Variants in C12orf42 observed in about 807,000 individuals in gnomAD.
C12orf42 encodes the protein uncharacterized protein C12orf42.
In C12orf42, 25 loss-of-function variants were observed where a neutral mutation model predicts 21.6. That is an observed-to-expected ratio of 1.16 (90% confidence interval 0.84 to 1.62). The LOEUF (loss-of-function observed/expected upper bound fraction) is 1.62, where lower values mean the gene tolerates loss of function less well. C12orf42 is among the 40% of genes most tolerant of loss of function. The probability of loss-of-function intolerance (pLI) is 0.00; values close to 1 mark genes in which losing one functional copy is unlikely to be tolerated. For missense variants in C12orf42, 483 were observed against 459.3 expected (o/e 1.05, Z -0.47); for synonymous variants, 174 against 175.0 (o/e 0.99, Z 0.05).
At chr12:103,401,554 C>T in intron 3 of C12orf42, 53 bp downstream of exon 3, 4 of 1,487,666 alleles carry the variant, frequency 2.7e-6, no homozygotes, top group Non-Finnish European at 3.7e-6. Flanking sequence ...GCAACTGAAC[C>T]CTAAAGGACG....
At chr12:103,474,809 GTTCATGGGTTCTGCC>G (rs1953918840) in intron 2 of C12orf42, among the ~76,000 whole-genome samples, 1 of 152,160 alleles carries the variant, frequency 6.6e-6, no homozygotes, top group African/African-American at 2.4e-5. Context: ...AGTGCTACAT[GTTCATGGGTTCTGCC>G]TTCATGAACT....
At chr12:103,167,929 T>A in the C12orf42 span, 1 of 403,458 alleles carries the variant, frequency 2.5e-6, no homozygotes, top group East Asian at 7.3e-5. Context: ...TCTGTGTGTG[T>A]GTGTGTATAC....
chr12:103,447,411 T>C (rs946460434), intron 2 of C12orf42, among the ~76,000 whole-genome samples: 1 of 151,962 alleles, frequency 6.6e-6, no homozygotes, highest in Non-Finnish European at 1.5e-5. Flanking sequence ...TCACCACTTC[T>C]ATTCAACATA....
At chr12:103,493,928 TAA>T (rs1456870663) in intron 1 of C12orf42, among the ~76,000 whole-genome samples, 1 of 152,222 alleles carries the variant, frequency 6.6e-6, no homozygotes, top group Admixed American at 6.5e-5. Flanking sequence ...ATCTTCAAGA[TAA>T]GTCATCTTTC....
chr12:103,501,690 A>C, the C12orf42 span, among the ~76,000 whole-genome samples: 2 of 152,158 alleles, frequency 1.3e-5, no homozygotes, highest in Non-Finnish European at 2.9e-5. Context: ...TGACATATAT[A>C]ATTTAATATG....
chr12:103,411,290 TA>T (rs1163720840), intron 2 of C12orf42, among the ~76,000 whole-genome samples: 2 of 152,176 alleles, frequency 1.3e-5, no homozygotes, highest in Non-Finnish European at 2.9e-5. Context: ...GCAAAAGTTT[TA>T]AAAAATCATA....
At chr12:103,499,413 AAAATGTTTTT>A (rs1267181058), upstream of C12orf42, among the ~76,000 whole-genome samples, 2 of 152,234 alleles carry the variant, frequency 1.3e-5, no homozygotes, top group Non-Finnish European at 2.9e-5. Context: ...AAATCTGGGG[AAAATGTTTTT>A]TAAGGAAAGT....
At chr12:103,267,803 A>C (rs2035245458), downstream of C12orf42, 1 of 152,144 alleles carries the variant, frequency 6.6e-6, no homozygotes, top group Non-Finnish European at 1.5e-5. Flanking sequence ...ACAGGAAGAG[A>C]GGAAGTAGAA....
chr12:103,125,929 G>A, the C12orf42 span, among the ~76,000 whole-genome samples: 7 of 152,182 alleles, frequency 4.6e-5, no homozygotes, highest in African/African-American at 1.7e-4. Flanking sequence ...CTCATCTTGG[G>A]GAAATAAGCA....
chr12:103,401,583 G>A (rs749318712), intron 3 of C12orf42, 24 bp downstream of exon 3: 37 of 1,607,844 alleles, frequency 2.3e-5, no homozygotes, highest in Non-Finnish European at 3.1e-5. Flanking sequence ...GAGCAGCCCT[G>A]CACATAACAT....
At position 103,302,486 on chromosome 12, in the gene C12orf42, G is replaced by A. The variant is rs2037797880; in HGVS notation, c.705C>T (p.Thr235=). The A allele has an allele frequency of 4.3e-6, 7 of 1,613,460 alleles. No individual in the cohort carries two copies. The highest frequency in any genetic ancestry group is 5.9e-6 in the Non-Finnish European group (7 of 1,179,802). The part of the protein sequence containing the change: ...RSQTPGALQS[T]GPSNTELEPE... ...GCTCGAGCTCTGTGTTACTCGGGCC[G>A]GTGCTCTGCAGAGCGCCGGGCGTCT... is the stretch of plus-strand genomic sequence containing the variant. The change falls in exon 6 of 6, where the codon ACC becomes ACT. Residue 235 remains threonine, a synonymous_variant. Coordinates refer to ENST00000548883, the MANE Select transcript of C12orf42 (RefSeq NM_198521.5).
intron 2 of C12orf42, among the ~76,000 whole-genome samples, chr12:103,410,839 C>T (rs1305739339): frequency 6.6e-6 from 1 of 152,086 alleles, no homozygotes; most frequent in African/African-American, 2.4e-5. Context: ...TCTTGAAAGC[C>T]AGCCATAAGG....
At chr12:103,099,272 T>C in the C12orf42 span, among the ~76,000 whole-genome samples, 1 of 152,204 alleles carries the variant, frequency 6.6e-6, no homozygotes, top group Non-Finnish European at 1.5e-5. Context: ...TTTGACAACT[T>C]TGTGATGTGG....
chr12:103,217,596 C>T, the C12orf42 span, among the ~76,000 whole-genome samples: 2 of 151,658 alleles, frequency 1.3e-5, no homozygotes, highest in Non-Finnish European at 2.9e-5. Flanking sequence ...TGTTACTGCT[C>T]ACTCCAGAAC....
intron 2 of C12orf42, among the ~76,000 whole-genome samples, chr12:103,425,965 G>T (rs183119566): frequency 2.0e-5 from 3 of 152,294 alleles, no homozygotes; most frequent in African/African-American, 7.2e-5. Context: ...AAGGTCACCA[G>T]CATCAAAGAC....
downstream of C12orf42, chr12:103,267,721 C>G (rs144645447): frequency 1.9e-4 from 29 of 152,098 alleles, no homozygotes; most frequent in African/African-American, 7.0e-4. Flanking sequence ...GAGAAGGGAG[C>G]AAGTGGGGTA....
chr12:103,136,548 C>T, the C12orf42 span, among the ~76,000 whole-genome samples: 2,580 of 148,670 alleles, frequency 0.017, 41 homozygotes, highest in African/African-American at 0.044. Context: ...AAAATGTATA[C>T]GGAACCATAA....
chr12:103,307,271 G>T (rs2038450364), intron 4 of C12orf42, among the ~76,000 whole-genome samples: 1 of 152,160 alleles, frequency 6.6e-6, no homozygotes, highest in Admixed American at 6.5e-5. Context: ...GACTGCTGAA[G>T]CCACTCCTTT....
intron 1 of C12orf42, among the ~76,000 whole-genome samples, chr12:103,493,738 A>C (rs1955333815): frequency 6.6e-6 from 1 of 151,490 alleles, no homozygotes; most frequent in Admixed American, 6.6e-5. Flanking sequence ...AAAAAAAAAA[A>C]ACCTTAGAGA....
Sources: allele counts gnomAD v4.1 joint callset (sites outside exome capture counted in the v4.1 genomes callset), GRCh38; gene constraint gnomAD v4.1.1; transcripts MANE v1.5; gene names NCBI Gene and HGNC (gene_info 2026-07-23, HGNC 2026-07-21).